CHRNA9: variants seen among roughly 807,000 people sequenced by gnomAD.
CHRNA9 encodes cholinergic receptor nicotinic alpha 9 subunit, also known as neuronal acetylcholine receptor subunit alpha-9.
In CHRNA9, 24 loss-of-function variants were observed where a neutral mutation model predicts 36.8. The ratio of observed to expected loss-of-function variants is 0.65; its 90% confidence interval spans 0.47 to 0.92. The LOEUF (loss-of-function observed/expected upper bound fraction) is 0.92, where lower values mean the gene tolerates loss of function less well. CHRNA9 is among the 40% of genes least tolerant of loss of function. The pLI, the probability that CHRNA9 is intolerant of heterozygous loss-of-function variation, is 0.00. For synonymous variants in CHRNA9, 231 were observed against 231.8 expected (o/e 1.00, Z 0.03); for missense variants, 610 against 601.2 (o/e 1.01, Z -0.15).
At chr4:40,340,917 T>C (rs1406466899) in intron 3 of CHRNA9, among the ~76,000 whole-genome samples, 1 of 142,056 alleles carries the variant, frequency 7.0e-6, no homozygotes, top group Admixed American at 7.2e-5. Flanking sequence ...ACAAACAACG[T>C]TCCAGAAGAC....
At chr4:40,353,355 G>C (rs567473782) in intron 4 of CHRNA9, among the ~76,000 whole-genome samples, 6 of 152,152 alleles carry the variant, frequency 3.9e-5, no homozygotes, top group Non-Finnish European at 8.8e-5. Context: ...GCCGGGCGTA[G>C]TGGTGGGCGC....
chr4:40,344,938 A>C (rs1395125823), intron 3 of CHRNA9, among the ~76,000 whole-genome samples: 1 of 152,246 alleles, frequency 6.6e-6, no homozygotes, highest in Admixed American at 6.5e-5. Context: ...GCCTCTGAGC[A>C]GAGTCTTGAA....
chr4:40,344,125 G>T (rs1181065360), intron 3 of CHRNA9, among the ~76,000 whole-genome samples: 1 of 152,226 alleles, frequency 6.6e-6, no homozygotes, highest in Non-Finnish European at 1.5e-5. Flanking sequence ...AGGTGGAAAA[G>T]GAAAGGCAAC....
chr4:40,338,949 C>T (rs1434881389), intron 3 of CHRNA9, among the ~76,000 whole-genome samples: 2 of 152,018 alleles, frequency 1.3e-5, no homozygotes, highest in African/African-American at 4.8e-5. Context: ...ACCACACTCT[C>T]GTCTGCAGAG....
At chr4:40,338,889 TCTCA>T (rs1386748234) in intron 3 of CHRNA9, among the ~76,000 whole-genome samples, 6 of 135,880 alleles carry the variant, frequency 4.4e-5, no homozygotes, top group East Asian at 2.0e-4. Context: ...TCCCTCTCTC[TCTCA>T]CACACACACA....
intron 3 of CHRNA9, among the ~76,000 whole-genome samples, chr4:40,343,281 GA>G (rs1560316592): frequency 6.6e-6 from 1 of 152,216 alleles, no homozygotes. Flanking sequence ...ACATACCCAA[GA>G]CTGGGTAATT....
At chr4:40,353,218 C>T (rs73146132) in intron 4 of CHRNA9, among the ~76,000 whole-genome samples, 19,109 of 152,052 alleles carry the variant, frequency 0.13, 1,218 homozygotes, top group Middle Eastern at 0.15. Context: ...TAGCCCGGCG[C>T]GGTGGCTCAC....
chr4:40,354,102 T>C lies in CHRNA9; in HGVS notation c.1022T>C (p.Ile341Thr), dbSNP rs1401516769. Residue 341 changes from isoleucine (I) to threonine (T), a missense_variant, in exon 5 of 5, where the codon ATC becomes ACC. Transcript: ENST00000310169. ...RPVPHWARVV[I>T]LKYMSRVLFV... The stretch of plus-strand genomic sequence containing the variant: ...GTGCCACACTGGGCCAGGGTGGTCA[T>C]CCTGAAATACATGTCCAGGGTCTTG... 9 of 1,614,210 alleles carry C rather than the reference T, an allele frequency of 5.6e-6. No individual in the cohort carries two copies. Among genetic ancestry groups the C allele is most frequent in the Non-Finnish European group, 5.1e-6 (6 of 1,180,028 alleles).
intron 3 of CHRNA9, among the ~76,000 whole-genome samples, chr4:40,343,852 T>A (rs529116462): frequency 6.6e-6 from 1 of 152,308 alleles, no homozygotes; most frequent in Admixed American, 6.5e-5. Context: ...GTGTGATAGA[T>A]AGAATAATGC....
At chr4:40,345,642 GC>G (rs56864907) in intron 3 of CHRNA9, among the ~76,000 whole-genome samples, 7,746 of 152,072 alleles carry the variant, frequency 0.051, 608 homozygotes, top group African/African-American at 0.17. Flanking sequence ...AACCTGAGAG[GC>G]GGAGGTTGCA....
rs1302141640 is a variant in CHRNA9, at chr4:40,349,244, A to T, written c.728A>T (p.Asn243Ile). The stretch of plus-strand genomic sequence containing the variant: ...AGGAGGTCCTCGTTCTATATCGTCA[A>T]CCTCCTCATCCCATGCGTCCTCATA... ...LKRRSSFYIV[N>I]LLIPCVLISF... The change falls in exon 4 of 5, where the codon AAC becomes ATC. Residue 243 changes from asparagine (N) to isoleucine (I), a missense_variant. By Grantham distance (149) the Asn-to-Ile change is moderately radical. Coordinates refer to ENST00000310169, the MANE Select transcript of CHRNA9 (RefSeq NM_017581.4). The T allele has an allele frequency of 6.2e-7, 1 of 1,613,878 alleles. No individual in the cohort carries two copies. Among genetic ancestry groups the T allele is most frequent in the Admixed American group, 1.7e-5 (1 of 59,982 alleles).
chr4:40,353,308 T>C (rs1712855586), intron 4 of CHRNA9, among the ~76,000 whole-genome samples: 1 of 152,106 alleles, frequency 6.6e-6, no homozygotes, highest in Non-Finnish European at 1.5e-5. Context: ...CTGGCCAAGA[T>C]GGCGAAACCC....
chr4:40,339,961 C>T (rs1332970988), intron 3 of CHRNA9, among the ~76,000 whole-genome samples: 1 of 152,144 alleles, frequency 6.6e-6, no homozygotes, highest in African/African-American at 2.4e-5. Context: ...GCTGCTGTGC[C>T]CGGCCAGCAT....
chr4:40,343,939 G>T (rs1330636934), intron 3 of CHRNA9, among the ~76,000 whole-genome samples: 1 of 152,204 alleles, frequency 6.6e-6, no homozygotes, highest in South Asian at 2.1e-4. Context: ...GACTTTGCAG[G>T]TATGATTGAA....
chr4:40,337,304 T>C lies in CHRNA9; in HGVS notation c.305T>C (p.Leu102Pro), dbSNP rs1712353001. The change falls in exon 3 of 5, where the codon CTA becomes CCA. Residue 102 changes from leucine to proline, a missense_variant. By Grantham distance (98) the Leu-to-Pro change is moderately conservative (BLOSUM62 -3). Coordinates refer to ENST00000310169, the MANE Select transcript of CHRNA9 (RefSeq NM_017581.4). The part of the protein sequence containing the change: ...LTWDRDQYDG[L>P]DSIRIPSDLV... The stretch of plus-strand genomic sequence containing the variant: ...TGGGACCGAGATCAGTACGATGGCC[T>C]AGACTCCATCAGGATCCCCAGTGAC... 1 of 1,614,086 alleles carries C rather than the reference T, an allele frequency of 6.2e-7. No homozygotes were observed. Among genetic ancestry groups the C allele is most frequent in the South Asian group, 1.1e-5 (1 of 91,084 alleles).
At chr4:40,339,069 G>A (rs1007615319) in intron 3 of CHRNA9, among the ~76,000 whole-genome samples, 5 of 151,954 alleles carry the variant, frequency 3.3e-5, no homozygotes, top group Admixed American at 2.6e-4. Context: ...CCTGAGGTCA[G>A]GAGTTCGAGA....
intron 3 of CHRNA9, among the ~76,000 whole-genome samples, chr4:40,338,561 G>A (rs1712392893): frequency 6.6e-6 from 1 of 152,066 alleles, no homozygotes; most frequent in African/African-American, 2.4e-5. Context: ...GCAGCTCAGG[G>A]GGCTCCCCTG....
At chr4:40,344,230 G>A (rs1712575505) in intron 3 of CHRNA9, among the ~76,000 whole-genome samples, 1 of 152,158 alleles carries the variant, frequency 6.6e-6, no homozygotes, top group African/African-American at 2.4e-5. Flanking sequence ...CTAAATTTAT[G>A]TTGTTTTAAG....
At chr4:40,338,107 A>C (rs1331752471) in intron 3 of CHRNA9, 2 of 152,200 alleles carry the variant, frequency 1.3e-5, no homozygotes, top group Non-Finnish European at 2.9e-5. Context: ...TGTATCAATA[A>C]TTAATTAAAC....
Sources: gnomAD v4.1 joint callset for allele counts (sites outside exome capture counted in the v4.1 genomes callset) on GRCh38, gnomAD v4.1.1 for gene constraint, MANE v1.5 for transcripts, NCBI Gene and HGNC (gene_info 2026-07-23, HGNC 2026-07-21) for gene names.